AGBL1: variants seen among roughly 807,000 people sequenced by gnomAD.
AGBL1 encodes the protein cytosolic carboxypeptidase 4.
AGBL1 carries 130 observed loss-of-function variants against 118.9 expected under a neutral mutation model. The observed-to-expected ratio is 1.09, with a 90% CI of 0.95 to 1.26. AGBL1 has a LOEUF of 1.26. Ranked by LOEUF, AGBL1 falls within the 50% of genes most tolerant of loss-of-function variation. AGBL1 has a pLI of 0.00. For synonymous variants in AGBL1, 555 were observed against 478.9 expected (o/e 1.16, Z -2.08); for missense variants, 1,584 against 1,298.1 (o/e 1.22, Z -3.38).
At chr15:86,594,968 T>G (rs1178044028) in intron 21 of AGBL1, among the ~76,000 whole-genome samples, 1 of 152,206 alleles carries the variant, frequency 6.6e-6, no homozygotes, top group Non-Finnish European at 1.5e-5. Flanking sequence ...TTGTTTCACT[T>G]GATCCATCAG....
At chr15:86,708,952 C>T (rs767389901) in intron 22 of AGBL1, among the ~76,000 whole-genome samples, 1 of 152,056 alleles carries the variant, frequency 6.6e-6, no homozygotes, top group Non-Finnish European at 1.5e-5. Context: ...TGAGAGTTCC[C>T]AGGACAAGCT....
chr15:86,833,867 T>G (rs1446899089), intron 22 of AGBL1, among the ~76,000 whole-genome samples: 1 of 152,166 alleles, frequency 6.6e-6, no homozygotes, highest in Non-Finnish European at 1.5e-5. Flanking sequence ...CTCACTCCTG[T>G]CAACTCAATT....
At chr15:86,191,882 G>A (rs2077727255) in intron 5 of AGBL1, among the ~76,000 whole-genome samples, 1 of 150,592 alleles carries the variant, frequency 6.6e-6, no homozygotes, top group African/African-American at 2.4e-5. Flanking sequence ...GACCAAGCCT[G>A]GGCAACATAG....
intron 5 of AGBL1, among the ~76,000 whole-genome samples, chr15:86,224,025 G>C (rs1297999523): frequency 1.3e-5 from 2 of 152,146 alleles, no homozygotes; most frequent in Non-Finnish European, 2.9e-5. Context: ...TACAGTCTTG[G>C]AAGTGTGATC....
At chr15:86,725,988 C>CAA (rs5814260) in intron 22 of AGBL1, among the ~76,000 whole-genome samples, 133 of 151,542 alleles carry the variant, frequency 8.8e-4, no homozygotes, top group Non-Finnish European at 1.5e-3. Context: ...ACAGTATGGT[C>CAA]AAAAAAAAGA....
At chr15:86,480,536 A>G (rs557333884) in intron 18 of AGBL1, among the ~76,000 whole-genome samples, 8 of 152,178 alleles carry the variant, frequency 5.3e-5, no homozygotes, top group Non-Finnish European at 1.0e-4. Context: ...TTGAACATCA[A>G]TCATGAGGAT....
chr15:86,519,831 T>C (rs2083164441), intron 18 of AGBL1, among the ~76,000 whole-genome samples: 1 of 152,250 alleles, frequency 6.6e-6, no homozygotes, highest in Non-Finnish European at 1.5e-5. Flanking sequence ...AAGTTCTGTA[T>C]GTCTCACATT....
intron 21 of AGBL1, among the ~76,000 whole-genome samples, chr15:86,643,915 G>C (rs980857249): frequency 6.6e-6 from 1 of 152,094 alleles, no homozygotes; most frequent in African/African-American, 2.4e-5. Context: ...ACCTTGTAAA[G>C]TTGTTTTTCC....
chr15:86,361,196 T>A (rs190742103), intron 17 of AGBL1, among the ~76,000 whole-genome samples: 99 of 152,204 alleles, frequency 6.5e-4, no homozygotes, highest in Non-Finnish European at 9.7e-4. Context: ...TTTAACATTT[T>A]AAAAATTTTT....
chr15:86,547,831 T>C (rs1212279590), intron 20 of AGBL1, among the ~76,000 whole-genome samples: 1 of 152,168 alleles, frequency 6.6e-6, no homozygotes, highest in Non-Finnish European at 1.5e-5. Context: ...ATCAAGTTTG[T>C]TGGTGCCCTG....
intron 22 of AGBL1, among the ~76,000 whole-genome samples, chr15:86,685,746 A>T (rs1257945917): frequency 6.6e-6 from 1 of 152,180 alleles, no homozygotes; most frequent in East Asian, 1.9e-4. Context: ...TATATGACTG[A>T]TCAGTGATTC....
chr15:86,374,285 A>G (rs1452859943), intron 17 of AGBL1, among the ~76,000 whole-genome samples: 1 of 152,228 alleles, frequency 6.6e-6, no homozygotes, highest in East Asian at 1.9e-4. Context: ...CTGTGGATTT[A>G]TTACAAAGCC....
At chr15:86,865,112 T>A (rs1377573020) in intron 22 of AGBL1, among the ~76,000 whole-genome samples, 1 of 152,186 alleles carries the variant, frequency 6.6e-6, no homozygotes, top group Non-Finnish European at 1.5e-5. Context: ...CATAAATAGC[T>A]GTTGGGTGAA....
chr15:86,425,008 A>T lies in AGBL1; in HGVS notation c.2555+27462A>T, dbSNP rs146343204. On this transcript the variant is annotated intron_variant, in intron 18 of 22. Transcript: ENST00000614907. ...GATTCCTCAAGAATCTAGAACCAGA[A>T]ATACCACTTGACCCAGCAATCCCAT... Among the ~76,000 whole-genome samples, 141 of 152,308 alleles carry T rather than the reference A, an allele frequency of 9.3e-4. No homozygotes were observed. The East Asian group carries it at 0.024, about 25-fold the overall frequency.
chr15:86,143,993 C>G, intron 3 of AGBL1, 148 bp downstream of exon 3: 1 of 1,013,178 alleles, frequency 9.9e-7, no homozygotes, highest in Non-Finnish European at 1.4e-6. Context: ...CAGGACCAGC[C>G]CCATAGGAGA....
At chr15:86,151,199 T>A (rs1445128956) in intron 3 of AGBL1, among the ~76,000 whole-genome samples, 2 of 151,510 alleles carry the variant, frequency 1.3e-5, no homozygotes, top group East Asian at 3.9e-4. Flanking sequence ...TACCTAATGC[T>A]AGATGACAAG....
At chr15:86,922,766 AT>A (rs1301030317) in intron 23 of AGBL1, among the ~76,000 whole-genome samples, 4 of 152,254 alleles carry the variant, frequency 2.6e-5, no homozygotes, top group African/African-American at 9.6e-5. Context: ...AAGATTCATA[AT>A]GAAACAATCC....
At chr15:86,903,227 T>G (rs571377027) in intron 22 of AGBL1, among the ~76,000 whole-genome samples, 47 of 152,208 alleles carry the variant, frequency 3.1e-4, no homozygotes, top group African/African-American at 1.1e-3. Context: ...TTTTGATATT[T>G]TTTCATTCTA....
intron 21 of AGBL1, among the ~76,000 whole-genome samples, chr15:86,645,349 T>C (rs553222115): frequency 6.6e-5 from 10 of 152,326 alleles, no homozygotes; most frequent in Admixed American, 4.6e-4. Flanking sequence ...CAGGTTGGTG[T>C]CCATTGTATT....
Sources: gnomAD v4.1 joint callset for allele counts (sites outside exome capture counted in the v4.1 genomes callset) on GRCh38, gnomAD v4.1.1 for gene constraint, MANE v1.5 for transcripts, NCBI Gene and HGNC (gene_info 2026-07-23, HGNC 2026-07-21) for gene names.